MSI2: variants seen among roughly 807,000 people sequenced by gnomAD.
MSI2 encodes musashi RNA binding protein 2.
Under a neutral mutation model 45.6 loss-of-function variants are expected in MSI2, and 17 were observed. That is an observed-to-expected ratio of 0.37 (90% CI 0.26 to 0.56). MSI2 has a LOEUF of 0.56. MSI2 is among the 20% of genes least tolerant of loss of function. The pLI, the probability that MSI2 is intolerant of heterozygous loss-of-function variation, is 0.77. For missense variants in MSI2, 293 were observed against 444.2 expected, an observed-to-expected ratio of 0.66 and a Z score of 3.06; for synonymous variants, 156 against 158.2, an observed-to-expected ratio of 0.99 and a Z score of 0.11.
chr17:57,362,698 C>T lies in MSI2; in HGVS notation c.313-38681C>T, dbSNP rs545429196. ...TATGTCTGTGAGCTGTGCCTTCCCC[C>T]CATTCTTTTCCCTCTTTACATGCCA... On this transcript the variant is annotated intron_variant, in intron 5 of 13. Coordinates refer to ENST00000284073, the MANE Select transcript of MSI2 (RefSeq NM_138962.4). Among the ~76,000 whole-genome samples, 9 of 152,002 alleles carry T rather than the reference C, an allele frequency of 5.9e-5. No homozygotes were observed. The East Asian group carries it at 1.4e-3, about 23-fold the overall frequency.
At chr17:57,548,697 G>C (rs1221175199) in intron 7 of MSI2, among the ~76,000 whole-genome samples, 1 of 151,896 alleles carries the variant, frequency 6.6e-6, no homozygotes, top group Non-Finnish European at 1.5e-5. Context: ...GCGGGTGGGG[G>C]TGGTGCAGAG....
the MSI2 span, among the ~76,000 whole-genome samples, chr17:57,700,364 A>G: frequency 3.9e-5 from 6 of 152,330 alleles, no homozygotes; most frequent in South Asian, 6.2e-4. Context: ...TAATGATTCA[A>G]TAGGTGCTTT....
chr17:57,484,872 G>A (rs536355767), intron 6 of MSI2, among the ~76,000 whole-genome samples: 2 of 152,060 alleles, frequency 1.3e-5, no homozygotes, highest in East Asian at 1.9e-4. Context: ...CAATTCCACT[G>A]CCACCTGCTC....
chr17:57,329,745 G>A (rs1914091778), intron 5 of MSI2, among the ~76,000 whole-genome samples: 1 of 152,210 alleles, frequency 6.6e-6, no homozygotes, highest in Admixed American at 6.5e-5. Context: ...TCAGCCAGCA[G>A]GCTGTTTAAA....
At chr17:57,672,002 G>A (rs1050040052) in intron 11 of MSI2, among the ~76,000 whole-genome samples, 5 of 152,218 alleles carry the variant, frequency 3.3e-5, no homozygotes, top group Non-Finnish European at 5.9e-5. Context: ...CCTCAGGGGT[G>A]CGGGTTCCAC....
Position 57,298,766 on chromosome 17 carries a change from G to A in MSI2, c.312+36574G>A, listed in dbSNP as rs997150964. Among the ~76,000 whole-genome samples, 9 of 152,164 alleles carry A rather than the reference G, an allele frequency of 5.9e-5. No individual in the cohort carries two copies. In the South Asian group the frequency reaches 6.2e-4, roughly 11 times the overall value. ...TTAAGGGCCCTAGGAATTTCAGAGC[G>A]GTAAATGAGGATTGCCTTCAACTTA... On this transcript the variant is annotated intron_variant, in intron 5 of 13. Transcript: ENST00000284073.
At chr17:57,485,567 G>A (rs2143773876) in intron 6 of MSI2, among the ~76,000 whole-genome samples, 1 of 152,276 alleles carries the variant, frequency 6.6e-6, no homozygotes, top group East Asian at 1.9e-4. Context: ...GAAAGAAAGG[G>A]CCCGTGATTC....
At chr17:57,313,113 G>A (rs1255466050) in intron 5 of MSI2, among the ~76,000 whole-genome samples, 1 of 152,148 alleles carries the variant, frequency 6.6e-6, no homozygotes, top group African/African-American at 2.4e-5. Context: ...CCAAAGTGCT[G>A]GGATTACAGT....
At chr17:57,500,479 G>C (rs1296796318) in intron 6 of MSI2, among the ~76,000 whole-genome samples, 2 of 151,602 alleles carry the variant, frequency 1.3e-5, no homozygotes, top group African/African-American at 4.9e-5. Context: ...GCTAGCAAGA[G>C]GAGGAGCGAG....
chr17:57,390,413 A>AG (rs1227470998), intron 5 of MSI2, among the ~76,000 whole-genome samples: 3 of 152,144 alleles, frequency 2.0e-5, no homozygotes, highest in African/African-American at 7.2e-5. Flanking sequence ...GAGATCCCTG[A>AG]GGGTGGGGCC....
At chr17:57,640,334 C>A (rs1910154845) in intron 10 of MSI2, among the ~76,000 whole-genome samples, 1 of 152,212 alleles carries the variant, frequency 6.6e-6, no homozygotes, top group Admixed American at 6.5e-5. Context: ...AGACATACCC[C>A]ATCACTCACA....
chr17:57,656,923 A>C (rs1567963193), intron 11 of MSI2, among the ~76,000 whole-genome samples: 1 of 152,142 alleles, frequency 6.6e-6, no homozygotes, highest in African/African-American at 2.4e-5. Flanking sequence ...GAGCTTCTGG[A>C]GGTGTCCCTA....
intron 5 of MSI2, among the ~76,000 whole-genome samples, chr17:57,355,876 A>AGGCTATGTTTCCCAGGCTAGGACATG (rs1396640140): frequency 6.6e-6 from 1 of 152,198 alleles, no homozygotes; most frequent in African/African-American, 2.4e-5. Context: ...TAGATGACAT[A>AGGCTATGTTTCCCAGGCTAGGACATG]GGCTATGTTT....
intron 5 of MSI2, among the ~76,000 whole-genome samples, chr17:57,342,844 A>G (rs1915283037): frequency 6.6e-6 from 1 of 152,212 alleles, no homozygotes; most frequent in African/African-American, 2.4e-5. Flanking sequence ...TTTAAATTTT[A>G]ATGTATTAAT....
Position 57,378,917 on chromosome 17 carries a change from A to C in MSI2, c.313-22462A>C, listed in dbSNP as rs556183978. 5.9e-5 allele frequency among the ~76,000 whole-genome samples: 9 copies of C among 152,206 alleles called. 1 individual carries two copies. In the South Asian group the frequency reaches 1.9e-3, roughly 32 times the overall value. ...GAAGCTGCATTCTTCTCACAGCGAC[A>C]TGGGCCCAAAATGCTACCTGTGCTA... On this transcript the variant is annotated intron_variant, in intron 5 of 13. Transcript: ENST00000284073.
At chr17:57,590,615 C>T (rs1904738146) in intron 7 of MSI2, among the ~76,000 whole-genome samples, 1 of 152,178 alleles carries the variant, frequency 6.6e-6, no homozygotes, top group African/African-American at 2.4e-5. Flanking sequence ...TCAACTGCTA[C>T]CCTATTAATA....
At chr17:57,308,553 A>G (rs950270745) in intron 5 of MSI2, among the ~76,000 whole-genome samples, 2 of 152,196 alleles carry the variant, frequency 1.3e-5, no homozygotes, top group Non-Finnish European at 2.9e-5. Context: ...TCTTTGGCAT[A>G]TGATGTTTGA....
At chr17:57,457,144 G>A (rs887988768) in intron 6 of MSI2, among the ~76,000 whole-genome samples, 2 of 152,220 alleles carry the variant, frequency 1.3e-5, no homozygotes, top group African/African-American at 4.8e-5. Flanking sequence ...AAGAGGTGGA[G>A]ATGTTAGAGA....
chr17:57,332,347 C>T lies in MSI2; in HGVS notation c.313-69032C>T, dbSNP rs527663333. On this transcript the variant is annotated intron_variant, in intron 5 of 13. Transcript: ENST00000284073. Reference sequence around the variant, plus strand: ...AACTCCTGACCTCAAGTGATCTGCCCGCCTCAGTCTCCCAAAGTGCTGGGG... The same window carrying T: ...AACTCCTGACCTCAAGTGATCTGCCTGCCTCAGTCTCCCAAAGTGCTGGGG... Among the ~76,000 whole-genome samples, 151 of 152,240 alleles carry T rather than the reference C, an allele frequency of 9.9e-4. 1 individual carries two copies. The highest frequency in any genetic ancestry group is 3.5e-3 in the African/African-American group (147 of 41,552).
Sources: allele counts gnomAD v4.1 joint callset (sites outside exome capture counted in the v4.1 genomes callset), GRCh38; gene constraint gnomAD v4.1.1; transcripts MANE v1.5; gene names NCBI Gene and HGNC (gene_info 2026-07-23, HGNC 2026-07-21).